Variants in CRAMP1 observed in about 807,000 individuals in gnomAD.
CRAMP1 encodes protein cramped-like.
In CRAMP1, 50 loss-of-function variants were observed where a neutral mutation model predicts 115.4. The ratio of observed to expected loss-of-function variants is 0.43; its 90% CI spans 0.35 to 0.55. The LOEUF (loss-of-function observed/expected upper bound fraction) is 0.55. Among genes scored for constraint, CRAMP1 ranks in the 20% least tolerant of loss-of-function variants. The pLI is 0.01. For missense variants in CRAMP1, 1,679 were observed against 1,721.7 expected (o/e 0.98, Z 0.44); for synonymous variants, 866 against 745.4 (o/e 1.16, Z -2.64).
At chr16:1,667,914 G>C in intron 17 of CRAMP1, 48 bp from the exon 18 acceptor site, 1 of 1,241,906 alleles carries the variant, frequency 8.1e-7, no homozygotes, top group Non-Finnish European at 1.2e-6. Context: ...CCTTGTCATG[G>C]GTTCTGATAG....
chr16:1,642,746 G>A (rs1196403888), intron 6 of CRAMP1, among the ~76,000 whole-genome samples: 2 of 152,220 alleles, frequency 1.3e-5, no homozygotes, highest in Non-Finnish European at 2.9e-5. Flanking sequence ...CACTGCCGCA[G>A]GATCCATACT....
chr16:1,612,915 G>A (rs537838765), intron 1 of CRAMP1, among the ~76,000 whole-genome samples: 2 of 152,218 alleles, frequency 1.3e-5, no homozygotes, highest in Admixed American at 1.3e-4. Flanking sequence ...CCATCCCCCT[G>A]CTTGTTGGCC....
chr16:1,670,507 G>T (rs1011578060), intron 19 of CRAMP1, 157 bp from the exon 20 acceptor site: 14 of 722,846 alleles, frequency 1.9e-5, no homozygotes, highest in Admixed American at 9.4e-5. Flanking sequence ...TCGTCACGGC[G>T]TGTTGAGTCC....
chr16:1,661,731 G>A (rs1010481013), intron 11 of CRAMP1, among the ~76,000 whole-genome samples: 2 of 152,056 alleles, frequency 1.3e-5, no homozygotes, highest in Admixed American at 1.3e-4. Flanking sequence ...GAGTAGTTGG[G>A]ATTACAGGCA....
Position 1,669,162 on chromosome 16 carries a change from T to C in CRAMP1, c.3496T>C (p.Phe1166Leu), listed in dbSNP as rs368858091. The C allele has an allele frequency of 6.3e-7, 1 of 1,598,256 alleles. No individual in the cohort carries two copies. Among genetic ancestry groups the C allele is most frequent in the Non-Finnish European group, 8.5e-7 (1 of 1,171,606 alleles). ...DSTDSSLSSL[F>L]ASFISPEKSR... ...CACCGACTCCTCGCTCAGCAGCCTG[T>C]TTGGTGAGTGTATGGGGAGGGCTCC... The change falls in exon 19 of 21, where the codon TTT (phenylalanine) becomes CTT (leucine). Residue 1166 changes from phenylalanine to leucine, a missense_variant. Coordinates refer to ENST00000397412, the MANE Select transcript of CRAMP1 (RefSeq NM_020825.4). This position sits in a 1 kb window ranked among gnomAD's most constrained non-coding sequence, Gnocchi z 4.6.
Position 1,673,945 on chromosome 16 carries a change from A to G in CRAMP1, c.3710A>G (p.Asn1237Ser), listed in dbSNP as rs954450533. The G allele has an allele frequency of 7.4e-6, 12 of 1,613,584 alleles. No individual in the cohort carries two copies. The highest frequency in any genetic ancestry group is 2.7e-5 in the African/African-American group (2 of 74,902). The change falls in exon 21 of 21, where the codon AAT becomes AGT. Residue 1237 changes from asparagine to serine, a missense_variant. Physicochemically the swap from Asn to Ser is conservative, Grantham distance 46. This residue lies in a region of CRAMP1 where 709 missense variants were observed against 741.9 expected (regional missense o/e 0.96). Coordinates refer to ENST00000397412, the MANE Select transcript of CRAMP1 (RefSeq NM_020825.4). ...ENSIDYISRF[N>S]DLAQELSIAE... Reference sequence around the variant, plus strand: ...AGCATTGATTACATTTCTCGGTTCAATGACCTGGCCCAAGAGCTGTCCATC... The same window carrying G: ...AGCATTGATTACATTTCTCGGTTCAGTGACCTGGCCCAAGAGCTGTCCATC...
Position 1,656,541 on chromosome 16 carries a change from C to A in CRAMP1, c.1784C>A (p.Ala595Asp). ...GSEQPPLGGAASPEVLAPVSK... is the reference protein window; with the variant it reads ...GSEQPPLGGADSPEVLAPVSK... ...GAGCAGCCCCCTCTGGGCGGGGCGG[C>A]CTCCCCAGAGGTGCTGGCTCCTGTC... Residue 595 changes from alanine to aspartate, a missense_variant, in exon 10 of 21, where the codon GCC becomes GAC. By Grantham distance (126) the Ala-to-Asp change is moderately radical. Around this residue, in one of 8 missense-constraint regions of CRAMP1, gnomAD observed 405 missense variants for 302.6 expected, o/e 1.34. Coordinates refer to ENST00000397412, the MANE Select transcript of CRAMP1 (RefSeq NM_020825.4). The surrounding 1 kb of genome is among the most constrained non-coding windows in gnomAD (Gnocchi z 5.6). 6.4e-7 allele frequency: 1 copy of A among 1,558,050 alleles called. No individual in the cohort carries two copies. The highest frequency in any genetic ancestry group is 2.4e-5 in the East Asian group (1 of 41,378).
rs187641885 is a variant in CRAMP1, at chr16:1,637,304, A to G, written c.695-520A>G. ...GTGAGACCCTGTCTCCAAGAAAAGA[A>G]AAAAAAAAAAAACAGGGCCTCTTAC... On this transcript the variant is annotated intron_variant, in intron 4 of 20. Coordinates refer to ENST00000397412, the MANE Select transcript of CRAMP1 (RefSeq NM_020825.4). 1.7e-3 allele frequency among the ~76,000 whole-genome samples: 254 copies of G among 149,994 alleles called. 1 individual carries two copies. Among genetic ancestry groups the G allele is most frequent in the Non-Finnish European group, 3.2e-3 (218 of 67,174 alleles).
intron 20 of CRAMP1, among the ~76,000 whole-genome samples, chr16:1,673,187 C>T (rs2036936499): frequency 6.6e-6 from 1 of 151,606 alleles, no homozygotes. Flanking sequence ...CCCACCTGTC[C>T]TCATGTCTAT....
At chr16:1,663,009 C>T (rs539145588) in intron 13 of CRAMP1, among the ~76,000 whole-genome samples, 174 bp downstream of exon 13, 1 of 152,290 alleles carries the variant, frequency 6.6e-6, no homozygotes, top group South Asian at 2.1e-4. Flanking sequence ...TAATGGTACC[C>T]AGAAGTAAAG....
At chr16:1,622,364 AT>A (rs2142170692) in intron 2 of CRAMP1, among the ~76,000 whole-genome samples, 1 of 152,306 alleles carries the variant, frequency 6.6e-6, no homozygotes, top group South Asian at 2.1e-4. Flanking sequence ...GTACAAAAAA[AT>A]TAGCCATTGT....
At chr16:1,649,643 C>T (rs913500240) in intron 6 of CRAMP1, among the ~76,000 whole-genome samples, 2 of 151,976 alleles carry the variant, frequency 1.3e-5, no homozygotes, top group Admixed American at 6.6e-5. Flanking sequence ...GCACCCACCA[C>T]CACGCCTGGC....
chr16:1,647,348 A>G (rs990735577), intron 6 of CRAMP1, among the ~76,000 whole-genome samples: 1 of 152,214 alleles, frequency 6.6e-6, no homozygotes, highest in Non-Finnish European at 1.5e-5. Flanking sequence ...AAGAGAATAA[A>G]TGTATCCGAA....
At chr16:1,661,635 G>A (rs369809265) in intron 11 of CRAMP1, among the ~76,000 whole-genome samples, 1 of 144,150 alleles carries the variant, frequency 6.9e-6, no homozygotes, top group East Asian at 2.0e-4. Flanking sequence ...TCGCTCTGTC[G>A]CCCAGGCTGG....
rs1008966549 is a variant in CRAMP1 at position 1,674,400 on chromosome 16, G to T, written c.*355G>T. The T allele has an allele frequency of 3.7e-6, 1 of 270,806 alleles. No homozygotes were observed. Among genetic ancestry groups the T allele is most frequent in the African/African-American group, 2.2e-5 (1 of 45,456 alleles). The allele number at this position is 270,806 out of a possible 1,614,324, so 16.8% of individuals were successfully genotyped here. A position where few individuals can be genotyped will look rare whatever the true frequency, so the allele number is the denominator to read the frequency against. Reference sequence around the variant, plus strand: ...TTCCTTCTGAGACAAGGGAGTATGTGTGCCTTGGTGTAGTTGCTGTGCACT... The same window carrying T: ...TTCCTTCTGAGACAAGGGAGTATGTTTGCCTTGGTGTAGTTGCTGTGCACT... On this transcript the variant is annotated 3_prime_UTR_variant, in exon 21 of 21. Coordinates refer to ENST00000397412, the MANE Select transcript of CRAMP1 (RefSeq NM_020825.4).
chr16:1,625,395 G>A (rs2036500114), intron 2 of CRAMP1, among the ~76,000 whole-genome samples: 1 of 152,168 alleles, frequency 6.6e-6, no homozygotes, highest in Admixed American at 6.5e-5. Flanking sequence ...AGGTTATCAG[G>A]TCATTCTCAG....
At chr16:1,663,725 C>T (rs545478859) in intron 13 of CRAMP1, among the ~76,000 whole-genome samples, 1 of 152,176 alleles carries the variant, frequency 6.6e-6, no homozygotes, top group Admixed American at 6.5e-5. Flanking sequence ...TATGAACTCA[C>T]GTTGCCTTCT....
At position 1,656,146 on chromosome 16, in the gene CRAMP1, C is replaced by T; in HGVS notation, c.1389C>T (p.Cys463=). ...GCACGGCCCGGGGCCAGGTGAAATG[C>T]CCGCGGAGCGGAGCTGAGGGCAAGG... ...GQGTARGQVK[C]PRSGAEGKGV... Residue 463 remains cysteine, a synonymous_variant, in exon 10 of 21, where the codon TGC becomes TGT. Coordinates refer to ENST00000397412, the MANE Select transcript of CRAMP1 (RefSeq NM_020825.4). The surrounding 1 kb of genome is among the most constrained non-coding windows in gnomAD (Gnocchi z 5.6). 1 of 1,607,520 alleles carries T rather than the reference C, an allele frequency of 6.2e-7. No individual in the cohort carries two copies. The highest frequency in any genetic ancestry group is 8.5e-7 in the Non-Finnish European group (1 of 1,177,816).
At chr16:1,641,241 T>C (rs753725884) in intron 6 of CRAMP1, 54 bp downstream of exon 6, 36 of 1,307,566 alleles carry the variant, frequency 2.8e-5, no homozygotes, top group Non-Finnish European at 3.7e-5. Context: ...TTGTGTTTAT[T>C]CTCTAAAATA....
Sources: gnomAD v4.1 joint callset for allele counts (sites outside exome capture counted in the v4.1 genomes callset) on GRCh38, gnomAD v4.1.1 for gene constraint, gnomAD v4.1.1 regional missense constraint, Gnocchi (gnomAD v3.1) non-coding constraint, MANE v1.5 for transcripts, NCBI Gene and HGNC (gene_info 2026-07-23, HGNC 2026-07-21) for gene names.